Variants in UNC13C observed in about 807,000 individuals in gnomAD.
UNC13C encodes the protein protein unc-13 homolog C.
UNC13C carries 174 observed loss-of-function variants against 245.4 expected under a neutral mutation model. The observed-to-expected ratio is 0.71, with a 90% confidence interval of 0.63 to 0.80. The LOEUF (loss-of-function observed/expected upper bound fraction) is 0.80. UNC13C is among the 30% of genes least tolerant of loss of function. The pLI is 0.00. For synonymous variants in UNC13C, 992 were observed against 895.1 expected (o/e 1.11, Z -1.93); for missense variants, 2,829 against 2,602.9 (o/e 1.09, Z -1.89).
chr15:54,538,880 A>C (rs1268796937), intron 26 of UNC13C, among the ~76,000 whole-genome samples: 1 of 151,974 alleles, frequency 6.6e-6, no homozygotes, highest in African/African-American at 2.4e-5. Context: ...AGAATCAAAA[A>C]CTACGTATTG....
intron 31 of UNC13C, among the ~76,000 whole-genome samples, chr15:54,623,175 CAT>C (rs1900905427): frequency 6.6e-6 from 1 of 151,782 alleles, no homozygotes; most frequent in South Asian, 2.1e-4. Context: ...GATATTTACA[CAT>C]GAGAATCTTC....
At chr15:54,086,917 G>A (rs923073139) in intron 2 of UNC13C, among the ~76,000 whole-genome samples, 60 of 151,840 alleles carry the variant, frequency 4.0e-4, no homozygotes, top group African/African-American at 1.4e-3. Flanking sequence ...TGTATTTTTA[G>A]TAGAGACGGG....
chr15:54,505,342 T>C (rs1894425273), intron 22 of UNC13C, among the ~76,000 whole-genome samples: 1 of 152,206 alleles, frequency 6.6e-6, no homozygotes, highest in South Asian at 2.1e-4. Flanking sequence ...TTCGTTAAGA[T>C]AGTGGTTCTC....
chr15:54,015,786 G>C lies in UNC13C; in HGVS notation c.2883G>C (p.Glu961Asp), dbSNP rs1895629089. The C allele has an allele frequency of 1.9e-6, 3 of 1,612,066 alleles. No homozygotes were observed. Among genetic ancestry groups the C allele is most frequent in the Non-Finnish European group, 2.5e-6 (3 of 1,178,972 alleles). ...AAAACATTCCTGAACAGCCAGTGGA[G>C]ATCACAAAGCCAAAGAGAATTCGTC... The part of the protein sequence containing the change: ...ENQNIPEQPV[E>D]ITKPKRIRPS... The change falls in exon 2 of 33, where the codon GAG becomes GAC. Residue 961 changes from glutamate to aspartate, a missense_variant. By Grantham distance (45) the Glu-to-Asp change is conservative. Coordinates refer to ENST00000260323, the MANE Select transcript of UNC13C (RefSeq NM_001080534.3).
intron 10 of UNC13C, among the ~76,000 whole-genome samples, chr15:54,289,347 C>T (rs187932696): frequency 3.3e-5 from 5 of 152,066 alleles, no homozygotes; most frequent in African/African-American, 1.2e-4. Flanking sequence ...AATAAAAAAG[C>T]TTCAGGTGGC....
At chr15:54,616,455 T>G (rs1246498351) in intron 30 of UNC13C, among the ~76,000 whole-genome samples, 1 of 151,980 alleles carries the variant, frequency 6.6e-6, no homozygotes, top group African/African-American at 2.4e-5. Context: ...AGTATAGCAA[T>G]ATAATTATGT....
intron 13 of UNC13C, 103 bp downstream of exon 13, chr15:54,300,476 G>C: frequency 1.7e-6 from 2 of 1,173,326 alleles, no homozygotes; most frequent in Non-Finnish European, 2.3e-6. Context: ...TGATTAAAAA[G>C]AGGATTATAT....
chr15:54,411,761 AT>A (rs1358585459), intron 18 of UNC13C, among the ~76,000 whole-genome samples: 1 of 152,080 alleles, frequency 6.6e-6, no homozygotes, highest in Non-Finnish European at 1.5e-5. Context: ...TTAAAAAAAC[AT>A]TTTTTCCTCT....
At chr15:54,031,393 T>G (rs1054699841) in intron 2 of UNC13C, among the ~76,000 whole-genome samples, 1 of 152,138 alleles carries the variant, frequency 6.6e-6, no homozygotes, top group Non-Finnish European at 1.5e-5. Context: ...CTGGCTAATT[T>G]TTTGTATTTT....
At chr15:53,965,714 C>A in the UNC13C span, among the ~76,000 whole-genome samples, 2 of 152,124 alleles carry the variant, frequency 1.3e-5, no homozygotes, top group South Asian at 4.2e-4. Context: ...TATCCCTCCC[C>A]ACTCCCCCTA....
the UNC13C span, among the ~76,000 whole-genome samples, chr15:53,907,962 AT>A: frequency 1.4e-5 from 2 of 146,938 alleles, no homozygotes; most frequent in Non-Finnish European, 3.1e-5. Flanking sequence ...GAAATTACTA[AT>A]TTTCATAGAT....
intron 8 of UNC13C, among the ~76,000 whole-genome samples, chr15:54,260,688 A>G (rs2036400970): frequency 6.7e-6 from 1 of 148,366 alleles, no homozygotes; most frequent in East Asian, 2.0e-4. Flanking sequence ...TTATATATAA[A>G]GAAGTTATAT....
At chr15:54,575,185 G>A (rs187661374) in intron 30 of UNC13C, among the ~76,000 whole-genome samples, 35 of 152,132 alleles carry the variant, frequency 2.3e-4, no homozygotes, top group Admixed American at 4.6e-4. Context: ...ACAGGTGCCC[G>A]CCACCACACC....
chr15:54,003,005 C>T (rs1894965950), intron 1 of UNC13C, among the ~76,000 whole-genome samples: 1 of 152,110 alleles, frequency 6.6e-6, no homozygotes, highest in South Asian at 2.1e-4. Context: ...CTTTCCTTTT[C>T]ATGCTGTGTA....
At chr15:54,566,342 A>G (rs1283352875) in intron 29 of UNC13C, among the ~76,000 whole-genome samples, 1 of 152,154 alleles carries the variant, frequency 6.6e-6, no homozygotes, top group Non-Finnish European at 1.5e-5. Flanking sequence ...TTCTGGACTA[A>G]TAGTCCTCTA....
At chr15:54,481,011 G>T (rs1187987672) in intron 19 of UNC13C, among the ~76,000 whole-genome samples, 1 of 152,154 alleles carries the variant, frequency 6.6e-6, no homozygotes, top group African/African-American at 2.4e-5. Context: ...TGAGGACTTG[G>T]CTCTCAAAAC....
At chr15:54,252,848 T>C (rs1328606510) in intron 8 of UNC13C, among the ~76,000 whole-genome samples, 1 of 152,140 alleles carries the variant, frequency 6.6e-6, no homozygotes, top group Non-Finnish European at 1.5e-5. Context: ...CCAGGGAAAA[T>C]TTCAACCCTT....
At chr15:53,878,350 A>G in the UNC13C span, among the ~76,000 whole-genome samples, 4 of 152,118 alleles carry the variant, frequency 2.6e-5, no homozygotes, top group South Asian at 8.3e-4. Flanking sequence ...AAGCATTTTT[A>G]TACACAACAT....
the UNC13C span, among the ~76,000 whole-genome samples, chr15:53,857,085 C>T: frequency 2.7e-3 from 412 of 152,204 alleles, 2 homozygotes; most frequent in African/African-American, 9.5e-3. Flanking sequence ...CGTGAACCAC[C>T]GTGCCCGGCC....
Sources: gnomAD v4.1 joint callset for allele counts (sites outside exome capture counted in the v4.1 genomes callset) on GRCh38, gnomAD v4.1.1 for gene constraint, MANE v1.5 for transcripts, NCBI Gene and HGNC (gene_info 2026-07-23, HGNC 2026-07-21) for gene names.